Variants in CYB561A3 observed in about 807,000 individuals in gnomAD.
CYB561A3 encodes the protein lysosomal membrane ascorbate-dependent ferrireductase CYB561A3.
CYB561A3 carries 16 observed loss-of-function variants against 25.3 expected under a neutral mutation model. The ratio of observed to expected loss-of-function variants is 0.63; its 90% confidence interval spans 0.43 to 0.96. The LOEUF is 0.96. CYB561A3 is among the 40% of genes least tolerant of loss of function. The probability of loss-of-function intolerance (pLI) is 0.00; values close to 1 mark genes in which losing one functional copy is unlikely to be tolerated. For synonymous variants in CYB561A3, 131 were observed against 129.9 expected (o/e 1.01, Z -0.06); for missense variants, 219 against 307.5 (o/e 0.71, Z 2.15).
At chr11:61,356,839 TTCA>T in intron 2 of CYB561A3, 111 bp from the exon 3 acceptor site, 1 of 1,486,368 alleles carries the variant, frequency 6.7e-7, no homozygotes, top group Non-Finnish European at 8.9e-7. Context: ...ATCTTTTTGC[TTCA>T]GTTCCCCTGC....
chr11:61,356,880 A>C, intron 2 of CYB561A3, 152 bp from the exon 3 acceptor site: 1 of 1,449,374 alleles, frequency 6.9e-7, no homozygotes, highest in Non-Finnish European at 9.0e-7. Context: ...CCCCCGCCCG[A>C]GGCCTCAATG....
In CYB561A3 at chr11:61,349,537, T is replaced by C. The variant is rs972776949; in HGVS notation, c.*862A>G. On this transcript the variant is annotated 3_prime_UTR_variant, in exon 7 of 7. Transcript: ENST00000294072. ...GCTACTGGGACATCTGGGGACAGGCTCTGTTCTTGGGAGAGCAGGTCACCA... is the reference window on the plus strand; with the variant it reads ...GCTACTGGGACATCTGGGGACAGGCCCTGTTCTTGGGAGAGCAGGTCACCA... 2.8e-6 allele frequency: 2 copies of C among 702,794 alleles called. No individual in the cohort carries two copies. The highest frequency in any genetic ancestry group is 5.2e-6 in the Non-Finnish European group (2 of 384,950). 43.5% of individuals were successfully genotyped at this position (702,794 alleles called of 1,614,324 possible).
chr11:61,349,616 G>A lies in CYB561A3; in HGVS notation c.*783C>T, dbSNP rs769830027. The A allele has an allele frequency of 9.1e-5, 64 of 702,840 alleles. No individual in the cohort carries two copies. Among genetic ancestry groups the A allele is most frequent in the Admixed American group, 9.0e-4 (45 of 49,992 alleles). 43.5% of individuals were successfully genotyped at this position (702,840 alleles called of 1,614,324 possible). A position where few individuals can be genotyped will look rare whatever the true frequency, so the allele number is the denominator to read the frequency against. On this transcript the variant is annotated 3_prime_UTR_variant, in exon 7 of 7. Transcript: ENST00000294072. The stretch of plus-strand genomic sequence containing the variant: ...GACACGTAAGTCACAGGGAAAGGCC[G>A]GGATCCAGGCCTCAGCTGTAGCAGC...
intron 3 of CYB561A3, among the ~76,000 whole-genome samples, chr11:61,355,638 G>A (rs139781083): frequency 0.031 from 4,607 of 150,024 alleles, 90 homozygotes; most frequent in Non-Finnish European, 0.046. Flanking sequence ...CCAAGATCAC[G>A]CCATTGCACT....
intron 6 of CYB561A3, 190 bp from the exon 7 acceptor site, chr11:61,350,612 G>T: frequency 2.9e-6 from 2 of 684,920 alleles, no homozygotes; most frequent in Non-Finnish European, 2.5e-6. Flanking sequence ...GACCTGCTCT[G>T]AGCACTCAGC....
rs1857331025 is a variant in CYB561A3 at position 61,350,206 on chromosome 11, C to G, written c.*193G>C. 2.8e-6 allele frequency: 2 copies of G among 702,464 alleles called. No individual in the cohort carries two copies. The highest frequency in any genetic ancestry group is 4.7e-6 in the Non-Finnish European group (2 of 429,042). The allele number at this position is 702,464 out of a possible 1,614,324, so 43.5% of individuals were successfully genotyped here. ...GGAGAGGGCAGGCCCAGCACCCAGG[C>G]AAAGCCACCAAGGAAAGCAGACAGG... On this transcript the variant is annotated 3_prime_UTR_variant, in exon 7 of 7. Coordinates refer to ENST00000294072, the MANE Select transcript of CYB561A3 (RefSeq NM_153611.6).
rs1273947933 is a variant in CYB561A3, at chr11:61,353,966, A to G, written c.211T>C (p.Ser71Pro). 6.2e-7 allele frequency: 1 copy of G among 1,614,146 alleles called. No individual in the cohort carries two copies. The highest frequency in any genetic ancestry group is 8.5e-7 in the Non-Finnish European group (1 of 1,180,040). Reference sequence around the variant, plus strand: ...CAGGGCAGTTTGGGCCCCACCCACGACTGGGGCAGGCGGTACACCAGTGAC... The same window carrying G: ...CAGGGCAGTTTGGGCCCCACCCACGGCTGGGGCAGGCGGTACACCAGTGAC... ...GASLVYRLPQSWVGPKLPWKL... is the reference protein window; with the variant it reads ...GASLVYRLPQPWVGPKLPWKL... Residue 71 changes from serine (S) to proline (P), a missense_variant, in exon 4 of 7, where the codon TCG (serine) becomes CCG (proline). By Grantham distance (74) the Ser-to-Pro change is moderately conservative. Coordinates refer to ENST00000294072, the MANE Select transcript of CYB561A3 (RefSeq NM_153611.6).
intron 4 of CYB561A3, chr11:61,353,529 A>G (rs1857515995): frequency 1.5e-6 from 1 of 683,180 alleles, no homozygotes; most frequent in Admixed American, 2.0e-5. Context: ...GAGTCAGCAT[A>G]GTGCGTGCCA....
At position 61,353,263 on chromosome 11, in the gene CYB561A3, C is replaced by G. The variant is rs138664987; in HGVS notation, c.394-124G>C. 2.1e-5 allele frequency: 26 copies of G among 1,249,176 alleles called. No individual in the cohort carries two copies. In the East Asian group the frequency reaches 5.6e-4, roughly 27 times the overall value. 77.4% of individuals were successfully genotyped at this position (1,249,176 alleles called of 1,614,324 possible). A position where few individuals can be genotyped will look rare whatever the true frequency, so the allele number is the denominator to read the frequency against. On this transcript the variant is annotated intron_variant, in intron 4 of 6. Transcript: ENST00000294072. ...TCTTTCACAACTCAAACCTTCCCAC[C>G]TGGCATTGCCCACTACCGTGCTAGC... is the stretch of plus-strand genomic sequence containing the variant.
intron 3 of CYB561A3, 95 bp downstream of exon 3, chr11:61,356,435 A>C: frequency 5.2e-6 from 6 of 1,160,492 alleles, no homozygotes; most frequent in Non-Finnish European, 6.9e-6. Context: ...CATAGCCCCA[A>C]GCCCAACATT....
At chr11:61,353,730 C>T in intron 4 of CYB561A3, 54 bp downstream of exon 4, 1 of 1,574,400 alleles carries the variant, frequency 6.4e-7, no homozygotes, top group African/African-American at 1.3e-5. Flanking sequence ...AGTGAACCCC[C>T]AACCAGAGCT....
intron 1 of CYB561A3, chr11:61,359,427 TA>T: frequency 1.3e-5 from 2 of 152,144 alleles, no homozygotes; most frequent in Admixed American, 1.3e-4. Flanking sequence ...GATATTCACC[TA>T]AAACACTCTC....
At chr11:61,350,532 A>G (rs1857350902) in intron 6 of CYB561A3, 110 bp from the exon 7 acceptor site, 2 of 1,403,976 alleles carry the variant, frequency 1.4e-6, no homozygotes, top group Non-Finnish European at 2.0e-6. Flanking sequence ...CATCCAAGCC[A>G]CCAAATCCCT....
At chr11:61,356,368 C>T (rs1857653100) in intron 3 of CYB561A3, 162 bp downstream of exon 3, 2 of 895,460 alleles carry the variant, frequency 2.2e-6, no homozygotes, top group Non-Finnish European at 3.1e-6. Flanking sequence ...CCCATCTTAA[C>T]CCCTTCCTCC....
At position 61,353,945 on chromosome 11, in the gene CYB561A3, G is replaced by A. The variant is rs1857538711; in HGVS notation, c.232C>T (p.Pro78Ser). ...LPQSWVGPKLPWKLLHAALHL... is the reference protein window; with the variant it reads ...LPQSWVGPKLSWKLLHAALHL... ...AGCGCTGCATGGAGGAGTTTCCAGG[G>A]CAGTTTGGGCCCCACCCACGACTGG... is the stretch of plus-strand genomic sequence containing the variant. Residue 78 changes from proline to serine, a missense_variant, in exon 4 of 7, where the codon CCC becomes TCC. Pro to Ser is a moderately conservative substitution (Grantham distance 74). Transcript: ENST00000294072. 15 of 1,614,192 alleles carry A rather than the reference G, an allele frequency of 9.3e-6. No homozygotes were observed. Among genetic ancestry groups the A allele is most frequent in the Non-Finnish European group, 1.3e-5 (15 of 1,180,032 alleles).
At chr11:61,361,483 G>A (rs1275531890) in intron 1 of CYB561A3, among the ~76,000 whole-genome samples, 1 of 152,176 alleles carries the variant, frequency 6.6e-6, no homozygotes, top group Non-Finnish European at 1.5e-5. Context: ...CTCCTCTGCT[G>A]GGTGCTCGTG....
In CYB561A3 at chr11:61,350,403, TC is replaced by T; in HGVS notation, c.724del (p.Glu242SerfsTer142). On this transcript the variant is annotated frameshift_variant, in exon 7 of 7. Transcript: ENST00000294072. LOFTEE classifies it high-confidence loss of function. ...TDRQPLLHDG[E>X] ...TGGGAGCCCCTTCCTGCTGCTTCAC[TC>T]CCCATCATGCAGCAGGGGCTGGAAA... 6.2e-7 allele frequency: 1 copy of T among 1,610,670 alleles called. No individual in the cohort carries two copies. Among genetic ancestry groups the T allele is most frequent in the Non-Finnish European group, 8.5e-7 (1 of 1,178,904 alleles).
chr11:61,357,183 A>T, intron 2 of CYB561A3: 3 of 1,551,528 alleles, frequency 1.9e-6, no homozygotes, highest in Non-Finnish European at 2.6e-6. Flanking sequence ...GTCTGAAAAG[A>T]GCAAACACCC....
In CYB561A3 at chr11:61,349,272, G is replaced by A. The variant is rs1590592072; in HGVS notation, c.*1127C>T. 1 of 429,660 alleles carries A rather than the reference G, an allele frequency of 2.3e-6. No individual in the cohort carries two copies. The highest frequency in any genetic ancestry group is 4.6e-5 in the East Asian group (1 of 21,972). The allele number at this position is 429,660 out of a possible 1,614,324, so 26.6% of individuals were successfully genotyped here. On this transcript the variant is annotated 3_prime_UTR_variant, in exon 7 of 7. Coordinates refer to ENST00000294072, the MANE Select transcript of CYB561A3 (RefSeq NM_153611.6). ...TGGGCCAGGCAAGCAGCCATGGTGG[G>A]GCCAGGTGAAGCAATGTGGGTCTCA...
Sources: gnomAD v4.1 joint callset for allele counts (sites outside exome capture counted in the v4.1 genomes callset) on GRCh38, gnomAD v4.1.1 for gene constraint, MANE v1.5 for transcripts, NCBI Gene and HGNC (gene_info 2026-07-23, HGNC 2026-07-21) for gene names.